The following F9 variants were observed in gnomAD, a reference collection of about 807,000 sequenced individuals.
F9 encodes the protein Christmas factor.
A neutral mutation model predicts 34.1 loss-of-function variants in F9; 2 were observed. That is an observed-to-expected ratio of 0.06 (90% CI 0.02 to 0.18). The LOEUF (loss-of-function observed/expected upper bound fraction) is 0.18, where lower values mean the gene tolerates loss of function less well. F9 is among the 10% of genes least tolerant of loss of function. F9 has a pLI of 1.00. For synonymous variants in F9, 137 were observed against 118.8 expected (o/e 1.15, Z -1.00); for missense variants, 216 against 345.1 (o/e 0.63, Z 2.96).
At chrX:139,535,895 C>T (rs887176438) in intron 1 of F9, among the ~76,000 whole-genome samples, 1 of 110,249 alleles carries the variant, frequency 9.1e-6, no homozygotes, top group African/African-American at 3.3e-5. Context: ...TACTACATAC[C>T]TAGGTTGTAT....
rs759321112 is a variant in F9, at chrX:139,531,866, A to T, written c.88+1014A>T. Reference sequence around the variant, plus strand: ...CAGACTGAAATGCTGAAATAACGATAAAAAAAAATACAGAGGTTAAACTAG... The same window carrying T: ...CAGACTGAAATGCTGAAATAACGATTAAAAAAAATACAGAGGTTAAACTAG... On this transcript the variant is annotated intron_variant, in intron 1 of 7. Transcript: ENST00000218099. Among the ~76,000 whole-genome samples the T allele has an allele frequency of 9.9e-5, 11 of 110,984 alleles. No homozygotes were observed. In the East Asian group the frequency reaches 2.3e-3, roughly 23 times the overall value.
chrX:139,558,624 C>A (rs1333918150), intron 6 of F9, among the ~76,000 whole-genome samples: 15 of 112,679 alleles, frequency 1.3e-4, no homozygotes, highest in African/African-American at 4.8e-4. Flanking sequence ...TTCTTCCTAG[C>A]TTTTGAACAA....
At chrX:139,561,424 T>G (rs1033881894) in intron 7 of F9, 100 bp from the exon 8 acceptor site, 3 of 744,293 alleles carry the variant, frequency 4.0e-6, no homozygotes, top group Non-Finnish European at 6.0e-6. Context: ...AATGAGATCT[T>G]TAACATTGCC....
In F9 at chrX:139,561,508, A is replaced by G. The variant is rs765500776; in HGVS notation, c.839-16A>G. 40 of 1,194,298 alleles carry G rather than the reference A, an allele frequency of 3.3e-5. No homozygotes were observed. In the South Asian group the frequency reaches 6.7e-4, roughly 20 times the overall value. On this transcript the variant is annotated splice_polypyrimidine_tract_variant and intron_variant, in intron 7 of 7. Coordinates refer to ENST00000218099, the MANE Select transcript of F9 (RefSeq NM_000133.4). Reference sequence around the variant, plus strand: ...AAATACTGTTTGTGACTTAAAATGAAATTTATTTTTAATAGGTGAACATAA... The same window carrying G: ...AAATACTGTTTGTGACTTAAAATGAGATTTATTTTTAATAGGTGAACATAA...
At chrX:139,537,755 G>C (rs913269709) in intron 3 of F9, among the ~76,000 whole-genome samples, 12 of 110,983 alleles carry the variant, frequency 1.1e-4, no homozygotes, top group Admixed American at 8.6e-4. Flanking sequence ...CATTATCATG[G>C]CCCACAAGCC....
At chrX:139,554,742 T>C (rs986142262) in intron 6 of F9, among the ~76,000 whole-genome samples, 2 of 112,759 alleles carry the variant, frequency 1.8e-5, no homozygotes, top group African/African-American at 6.4e-5. Context: ...AGCTTTGAAA[T>C]ATGAAATACT....
In F9 at chrX:139,562,128, A is replaced by T; in HGVS notation, c.*57A>T. 1.0e-6 allele frequency: 1 copy of T among 999,491 alleles called. No homozygotes were observed. Among genetic ancestry groups the T allele is most frequent in the Non-Finnish European group, 1.4e-6 (1 of 706,313 alleles). The allele number at this position is 999,491 out of a possible 1,213,427, so 82.4% of individuals were successfully genotyped here. Reference sequence around the variant, plus strand: ...GAATTGAAAATTAACAGGGCCTCTCACTAACTAATCACTTTCCCATCTTTT... The same window carrying T: ...GAATTGAAAATTAACAGGGCCTCTCTCTAACTAATCACTTTCCCATCTTTT... On this transcript the variant is annotated 3_prime_UTR_variant, in exon 8 of 8. Transcript: ENST00000218099.
chrX:139,537,749 A>T (rs1927517744), intron 3 of F9, among the ~76,000 whole-genome samples: 1 of 111,165 alleles, frequency 9.0e-6, no homozygotes, highest in Non-Finnish European at 1.9e-5. Flanking sequence ...CCTCCTCATT[A>T]TCATGGCCCA....
At chrX:139,550,954 C>A in intron 5 of F9, 108 bp from the exon 6 acceptor site, 1 of 636,593 alleles carries the variant, frequency 1.6e-6, no homozygotes, top group Non-Finnish European at 2.5e-6. Flanking sequence ...ACTGATGGGC[C>A]TGCTTCTCAG....
chrX:139,552,037 T>C (rs773437447), intron 6 of F9, among the ~76,000 whole-genome samples: 31 of 110,277 alleles, frequency 2.8e-4, no homozygotes, highest in Non-Finnish European at 5.7e-4. Context: ...TTAAAAAAAA[T>C]ACAAAAATTA....
intron 3 of F9, among the ~76,000 whole-genome samples, chrX:139,539,448 T>G (rs2148357247): frequency 8.9e-6 from 1 of 112,319 alleles, no homozygotes; most frequent in African/African-American, 3.2e-5. Flanking sequence ...AATCTCTCAC[T>G]TGGTAAGATC....
Position 139,537,053 on chromosome X carries a change from A to G in F9, c.132A>G (p.Pro44=). The part of the protein sequence containing the change: ...HENANKILNR[P]KRYNSGKLEE... ...ACGCCAACAAAATTCTGAATCGGCC[A>G]AAGAGGTATAATTCAGGTAAATTGG... is the stretch of plus-strand genomic sequence containing the variant. Residue 44 remains proline (P), a synonymous_variant, in exon 2 of 8, where the codon CCA becomes CCG. Coordinates refer to ENST00000218099, the MANE Select transcript of F9 (RefSeq NM_000133.4). 1 of 1,210,216 alleles carries G rather than the reference A, an allele frequency of 8.3e-7. No homozygotes were observed. The highest frequency in any genetic ancestry group is 1.1e-6 in the Non-Finnish European group (1 of 894,339).
chrX:139,555,464 A>G (rs1354326768), intron 6 of F9, among the ~76,000 whole-genome samples: 2 of 112,934 alleles, frequency 1.8e-5, no homozygotes, highest in Non-Finnish European at 3.8e-5. Context: ...GGAGCCCCCT[A>G]TGGTTCCGGA....
At chrX:139,551,029 A>G in intron 5 of F9, 33 bp from the exon 6 acceptor site, 1 of 1,159,101 alleles carries the variant, frequency 8.6e-7, no homozygotes, top group South Asian at 1.8e-5. Flanking sequence ...AATGAGAAAT[A>G]TCAGGTTACT....
intron 4 of F9, 89 bp downstream of exon 4, chrX:139,541,278 T>C (rs908091374): frequency 3.2e-5 from 19 of 590,877 alleles, no homozygotes; most frequent in Admixed American, 2.6e-5. Flanking sequence ...TGTATCATAA[T>C]TTTTCTTAAA....
intron 1 of F9, among the ~76,000 whole-genome samples, chrX:139,532,843 G>A (rs1278978788): frequency 1.8e-5 from 2 of 111,873 alleles, no homozygotes; most frequent in African/African-American, 6.5e-5. Context: ...GGTTCCATAT[G>A]GACTATGACA....
intron 6 of F9, among the ~76,000 whole-genome samples, chrX:139,551,718 T>TGA (rs1055185019): frequency 9.0e-6 from 1 of 111,120 alleles, no homozygotes; most frequent in East Asian, 2.8e-4. Context: ...AAACAGGGCA[T>TGA]GAGAGAGAGT....
At chrX:139,553,215 G>A (rs1206387018) in intron 6 of F9, among the ~76,000 whole-genome samples, 1 of 111,541 alleles carries the variant, frequency 9.0e-6, no homozygotes. Context: ...TGCACCCTAT[G>A]AGGACTGCTT....
At chrX:139,555,568 T>C (rs1011478663) in intron 6 of F9, among the ~76,000 whole-genome samples, 1 of 112,279 alleles carries the variant, frequency 8.9e-6, no homozygotes, top group African/African-American at 3.2e-5. Context: ...GGTTAGAAGG[T>C]TCCGGACAGG....
Sources: gnomAD v4.1 joint callset for allele counts (sites outside exome capture counted in the v4.1 genomes callset) on GRCh38, gnomAD v4.1.1 for gene constraint, MANE v1.5 for transcripts, NCBI Gene and HGNC (gene_info 2026-07-23, HGNC 2026-07-21) for gene names.